Variants in ARMC9 observed in about 807,000 individuals in gnomAD.
ARMC9 encodes lisH domain-containing protein ARMC9.
Under a neutral mutation model 107.0 loss-of-function variants are expected in ARMC9, and 94 were observed. That is an observed-to-expected ratio of 0.88 (90% CI 0.74 to 1.04). The LOEUF is 1.04. ARMC9 is among the 50% of genes least tolerant of loss of function. ARMC9 has a pLI of 0.00. For missense variants in ARMC9, 942 were observed against 1,030.1 expected (o/e 0.91, Z 1.17); for synonymous variants, 380 against 396.9 (o/e 0.96, Z 0.51).
chr2:231,361,283 A>G (rs2045566952), intron 23 of ARMC9, among the ~76,000 whole-genome samples: 1 of 152,112 alleles, frequency 6.6e-6, no homozygotes, highest in South Asian at 2.1e-4. Context: ...GGTTTGGCTC[A>G]GAGGTCACTT....
chr2:231,364,009 A>G (rs997615980), intron 23 of ARMC9, among the ~76,000 whole-genome samples: 2 of 152,034 alleles, frequency 1.3e-5, no homozygotes, highest in East Asian at 1.9e-4. Flanking sequence ...AAGTAGCAGG[A>G]TAAAACGAAT....
rs3731778 is a variant in ARMC9 at position 231,291,566 on chromosome 2, C to A, written c.1717+123C>A. 394 of 953,418 alleles carry A rather than the reference C, an allele frequency of 4.1e-4. 7 individuals are homozygous for A. The East Asian group carries it at 0.011, about 27-fold the overall frequency. The allele number at this position is 953,418 out of a possible 1,614,324, so 59.1% of individuals were successfully genotyped here. A position where few individuals can be genotyped will look rare whatever the true frequency, so the allele number is the denominator to read the frequency against. ...GGCACGGTGGCTCGTGCTTATAATC[C>A]CAGCACTTTGGGAGGCCGAGGTGGG... On this transcript the variant is annotated intron_variant, in intron 18 of 24. Transcript: ENST00000611582.
chr2:231,343,155 C>T (rs1388619152), intron 20 of ARMC9, among the ~76,000 whole-genome samples: 2 of 151,856 alleles, frequency 1.3e-5, no homozygotes, highest in African/African-American at 4.8e-5. Flanking sequence ...TCAGGTGATC[C>T]ACCCACCTTG....
rs2046129265 is a variant in ARMC9, at chr2:231,374,297, G to A, written c.*2762G>A. ...CCTTCTGGAAAATGGTAAGGCCCCA[G>A]GTAGATTATGGCTCCTCTGCCCTGG... is the stretch of plus-strand genomic sequence containing the variant. On this transcript the variant is annotated 3_prime_UTR_variant, in exon 25 of 25. Transcript: ENST00000611582. 6.6e-6 allele frequency: 1 copy of A among 152,198 alleles called. No individual in the cohort carries two copies. The highest frequency in any genetic ancestry group is 2.4e-5 in the African/African-American group (1 of 41,442). The allele number at this position is 152,198 out of a possible 1,614,324, so 9.4% of individuals were successfully genotyped here. A position where few individuals can be genotyped will look rare whatever the true frequency, so the allele number is the denominator to read the frequency against.
rs1223204131 is a variant in ARMC9, at chr2:231,291,452, G to C, written c.1717+9G>C. On this transcript the variant is annotated intron_variant, in intron 18 of 24. Transcript: ENST00000611582. ...CAAGCAGCTAAATTCCGGTCAGTTT[G>C]ATGCAAGAATCTTTGATCTATCTTT... The C allele has an allele frequency of 6.2e-7, 1 of 1,609,118 alleles. No individual in the cohort carries two copies. Among genetic ancestry groups the C allele is most frequent in the Non-Finnish European group, 8.5e-7 (1 of 1,176,554 alleles).
At chr2:231,244,165 T>G (rs1001810476) in intron 9 of ARMC9, among the ~76,000 whole-genome samples, 2 of 152,190 alleles carry the variant, frequency 1.3e-5, no homozygotes, top group African/African-American at 4.8e-5. Flanking sequence ...TGATACTGGT[T>G]TTTATATCTG....
intron 19 of ARMC9, among the ~76,000 whole-genome samples, chr2:231,311,597 C>T (rs1055164986): frequency 6.6e-6 from 1 of 151,922 alleles, no homozygotes; most frequent in Non-Finnish European, 1.5e-5. Flanking sequence ...TGGTGAAACA[C>T]CGTCTCTACT....
chr2:231,340,905 A>AACAG (rs1480169324), intron 20 of ARMC9, among the ~76,000 whole-genome samples: 1 of 151,858 alleles, frequency 6.6e-6, no homozygotes, highest in Non-Finnish European at 1.5e-5. Flanking sequence ...CAAACAAACA[A>AACAG]ACAAAAAACA....
intron 9 of ARMC9, among the ~76,000 whole-genome samples, chr2:231,252,933 C>G (rs1426527396): frequency 6.6e-6 from 1 of 151,676 alleles, no homozygotes. Context: ...AACGGCTATG[C>G]CCAGCTAGAT....
Position 231,291,349 on chromosome 2 carries a change from C to G in ARMC9, c.1627-4C>G. The G allele has an allele frequency of 3.7e-6, 6 of 1,612,236 alleles. No homozygotes were observed. The highest frequency in any genetic ancestry group is 5.1e-6 in the Non-Finnish European group (6 of 1,178,666). ...TTAACTATTACTTTCGCCAATACTT[C>G]TAGGGAATGGAAGACATCCTACGCT... On this transcript the variant is annotated splice_polypyrimidine_tract_variant and splice_region_variant and intron_variant, in intron 17 of 24. Coordinates refer to ENST00000611582, the MANE Select transcript of ARMC9 (RefSeq NM_001352754.2).
At chr2:231,323,760 G>A (rs943542474) in intron 19 of ARMC9, among the ~76,000 whole-genome samples, 6 of 152,186 alleles carry the variant, frequency 3.9e-5, no homozygotes, top group African/African-American at 1.4e-4. Context: ...GCGCTGACAA[G>A]AATCATGTCT....
At chr2:231,240,925 C>T (rs1454787586) in intron 9 of ARMC9, among the ~76,000 whole-genome samples, 4 of 152,166 alleles carry the variant, frequency 2.6e-5, no homozygotes, top group African/African-American at 4.8e-5. Flanking sequence ...TTGCTGGGTG[C>T]GGTGGCTCAC....
At position 231,369,989 on chromosome 2, in the gene ARMC9, C is replaced by A. The variant is rs1211964493; in HGVS notation, c.2298C>A (p.Ala766=). 1.3e-6 allele frequency: 2 copies of A among 1,531,870 alleles called. No homozygotes were observed. Among genetic ancestry groups the A allele is most frequent in the Non-Finnish European group, 1.7e-6 (2 of 1,144,256 alleles). The allele number at this position is 1,531,870 out of a possible 1,614,324, so 94.9% of individuals were successfully genotyped here. Residue 766 remains alanine (A), a synonymous_variant, in exon 24 of 25, where the codon GCC becomes GCA. Coordinates refer to ENST00000611582, the MANE Select transcript of ARMC9 (RefSeq NM_001352754.2). ...CASAFTCKPR[A]PCTPEMLDWN... is the part of the protein sequence containing the mutation. ...CAGCCTTCACCTGCAAGCCCCGGGC[C>A]CCCTGCACTCCAGAGATGCTGGACT...
At chr2:231,245,784 C>A (rs1447320454) in intron 9 of ARMC9, among the ~76,000 whole-genome samples, 1 of 152,204 alleles carries the variant, frequency 6.6e-6, no homozygotes, top group Admixed American at 6.5e-5. Context: ...TTTTCCCTGC[C>A]AAGAGCAGTT....
chr2:231,334,231 C>G (rs1353782448), intron 20 of ARMC9, among the ~76,000 whole-genome samples: 1 of 152,218 alleles, frequency 6.6e-6, no homozygotes, highest in African/African-American at 2.4e-5. Context: ...AACAAAGCAC[C>G]ACTAACTGCA....
intron 11 of ARMC9, among the ~76,000 whole-genome samples, chr2:231,261,908 C>G (rs925396204): frequency 2.6e-5 from 4 of 151,920 alleles, no homozygotes; most frequent in Non-Finnish European, 4.4e-5. Context: ...CTGCAACCTC[C>G]GACTCCTGGG....
chr2:231,326,031 A>T (rs2043295452), intron 19 of ARMC9, among the ~76,000 whole-genome samples: 1 of 152,202 alleles, frequency 6.6e-6, no homozygotes, highest in Non-Finnish European at 1.5e-5. Flanking sequence ...TGAACTTCAG[A>T]TGCCACTATA....
chr2:231,333,948 GCAGAACGT>G, intron 20 of ARMC9, among the ~76,000 whole-genome samples: 1 of 152,262 alleles, frequency 6.6e-6, no homozygotes, highest in South Asian at 2.1e-4. Flanking sequence ...AAAGCAAGGT[GCAGAACGT>G]GGTGAGACTG....
intron 13 of ARMC9, among the ~76,000 whole-genome samples, chr2:231,272,381 G>A (rs150599816): frequency 1.3e-5 from 2 of 152,148 alleles, no homozygotes; most frequent in Non-Finnish European, 2.9e-5. Context: ...TTTTTATAGA[G>A]ATGAGGTTAC....
Sources: gnomAD v4.1 joint callset for allele counts (sites outside exome capture counted in the v4.1 genomes callset) on GRCh38, gnomAD v4.1.1 for gene constraint, MANE v1.5 for transcripts, NCBI Gene and HGNC (gene_info 2026-07-23, HGNC 2026-07-21) for gene names.